The following PRDM5 variants were observed in gnomAD, a reference collection of about 807,000 sequenced individuals.
PRDM5 encodes PR domain zinc finger protein 5.
Under a neutral mutation model 81.2 loss-of-function variants are expected in PRDM5, and 56 were observed. That is an observed-to-expected ratio of 0.69 (90% CI 0.56 to 0.86). PRDM5 has a LOEUF of 0.86. PRDM5 is among the 40% of genes least tolerant of loss of function. The pLI is 0.00. For synonymous variants in PRDM5, 267 were observed against 256.4 expected, an observed-to-expected ratio of 1.04 and a Z score of -0.39; for missense variants, 697 against 770.1, an observed-to-expected ratio of 0.91 and a Z score of 1.12.
intron 14 of PRDM5, among the ~76,000 whole-genome samples, chr4:120,726,375 T>C (rs1205288847): frequency 1.3e-5 from 2 of 152,180 alleles, no homozygotes; most frequent in African/African-American, 4.8e-5. Context: ...TGCTGAATCA[T>C]TCCTTTGCAT....
intron 15 of PRDM5, among the ~76,000 whole-genome samples, chr4:120,701,244 CA>C (rs71597090): frequency 0.17 from 26,249 of 151,606 alleles, 2,588 homozygotes; most frequent in Non-Finnish European, 0.24. Context: ...TAAATTAGTT[CA>C]ACCACTGTGA....
chr4:120,778,420 C>T (rs1020370211), intron 12 of PRDM5, among the ~76,000 whole-genome samples: 51 of 152,092 alleles, frequency 3.4e-4, no homozygotes, highest in African/African-American at 1.1e-3. Context: ...GGGGCAATTA[C>T]CTCATCACCT....
In PRDM5 at chr4:120,709,722, A is replaced by G. The variant is rs533269339; in HGVS notation, c.1728+587T>C. Among the ~76,000 whole-genome samples the G allele has an allele frequency of 2.6e-5, 4 of 152,116 alleles. No individual in the cohort carries two copies. In the South Asian group the frequency reaches 8.3e-4, roughly 32 times the overall value. On this transcript the variant is annotated intron_variant, in intron 15 of 15. Transcript: ENST00000264808. ...AGAACAGTGGTTTTTTTTCCCCTAAATTGATCAATATTCAGATTAATTTTA... is the reference window on the plus strand; with the variant it reads ...AGAACAGTGGTTTTTTTTCCCCTAAGTTGATCAATATTCAGATTAATTTTA...
At chr4:120,861,323 G>C (rs1226930344) in intron 2 of PRDM5, among the ~76,000 whole-genome samples, 1 of 152,034 alleles carries the variant, frequency 6.6e-6, no homozygotes, top group Non-Finnish European at 1.5e-5. Flanking sequence ...TCAGCTTTTG[G>C]AGAATTTTCC....
chr4:120,833,986 T>G (rs1039396259), intron 3 of PRDM5, among the ~76,000 whole-genome samples: 3 of 152,030 alleles, frequency 2.0e-5, no homozygotes, highest in Non-Finnish European at 4.4e-5. Flanking sequence ...ATTAGCAAAG[T>G]GAAAGCACTA....
At chr4:120,725,993 G>C (rs1348913243) in intron 14 of PRDM5, among the ~76,000 whole-genome samples, 1 of 152,102 alleles carries the variant, frequency 6.6e-6, no homozygotes, top group African/African-American at 2.4e-5. Flanking sequence ...AAGACCTCTA[G>C]CTAGCCCTTT....
intron 14 of PRDM5, among the ~76,000 whole-genome samples, chr4:120,752,392 T>C (rs1393081645): frequency 6.6e-6 from 1 of 152,210 alleles, no homozygotes; most frequent in Non-Finnish European, 1.5e-5. Context: ...TACTCATTAC[T>C]CATTGTGGGG....
rs550246996 is a variant in PRDM5, at chr4:120,845,755, G to A, written c.300+7663C>T. Among the ~76,000 whole-genome samples the A allele has an allele frequency of 2.0e-5, 3 of 152,314 alleles. No individual in the cohort carries two copies. The South Asian group carries it at 6.2e-4, about 32-fold the overall frequency. On this transcript the variant is annotated intron_variant, in intron 3 of 15. Coordinates refer to ENST00000264808, the MANE Select transcript of PRDM5 (RefSeq NM_018699.4). Reference sequence around the variant, plus strand: ...AAACACACTTCATAAGGCTATTGCTGTCACAGTGATTCCTCTGGTAGACCT... The same window carrying A: ...AAACACACTTCATAAGGCTATTGCTATCACAGTGATTCCTCTGGTAGACCT...
At chr4:120,776,473 T>C (rs983786677) in intron 13 of PRDM5, among the ~76,000 whole-genome samples, 8 of 152,060 alleles carry the variant, frequency 5.3e-5, no homozygotes, top group Middle Eastern at 3.4e-3. Flanking sequence ...TATAATCCAG[T>C]CACATAGTTA....
At chr4:120,830,795 A>C (rs1756620587) in intron 3 of PRDM5, among the ~76,000 whole-genome samples, 1 of 152,108 alleles carries the variant, frequency 6.6e-6, no homozygotes. Flanking sequence ...CCATACAGGG[A>C]GGAAACAGTT....
chr4:120,770,267 G>T (rs145436376), intron 13 of PRDM5, among the ~76,000 whole-genome samples: 86 of 152,190 alleles, frequency 5.7e-4, no homozygotes, highest in African/African-American at 1.9e-3. Context: ...GACCTCAGGT[G>T]ATCTGCCCAC....
At chr4:120,724,440 G>A (rs1021242060) in intron 14 of PRDM5, among the ~76,000 whole-genome samples, 5 of 152,158 alleles carry the variant, frequency 3.3e-5, no homozygotes, top group Non-Finnish European at 5.9e-5. Flanking sequence ...TATCCTTGTC[G>A]ATTTAGGCAG....
chr4:120,888,014 G>C (rs1763642427), intron 2 of PRDM5, among the ~76,000 whole-genome samples: 1 of 56,816 alleles, frequency 1.8e-5, no homozygotes, highest in Non-Finnish European at 3.1e-5. Flanking sequence ...GGATGGTCTC[G>C]ATCTCCTGAC....
intron 2 of PRDM5, among the ~76,000 whole-genome samples, chr4:120,898,778 A>G (rs1394209676): frequency 6.6e-6 from 1 of 152,062 alleles, no homozygotes; most frequent in Non-Finnish European, 1.5e-5. Flanking sequence ...CTTTCACTAT[A>G]TTATTTATTA....
At chr4:120,736,693 C>T (rs1001556705) in intron 14 of PRDM5, among the ~76,000 whole-genome samples, 6 of 152,136 alleles carry the variant, frequency 3.9e-5, no homozygotes, top group Admixed American at 3.3e-4. Flanking sequence ...ACTATATATT[C>T]GATCATGTAT....
At chr4:120,848,825 T>C (rs1758939541) in intron 3 of PRDM5, among the ~76,000 whole-genome samples, 1 of 152,224 alleles carries the variant, frequency 6.6e-6, no homozygotes, top group Non-Finnish European at 1.5e-5. Flanking sequence ...ATTGCATTTT[T>C]ACTTTAGTTT....
chr4:120,888,927 C>CT (rs1169961768), intron 2 of PRDM5, among the ~76,000 whole-genome samples: 7 of 152,014 alleles, frequency 4.6e-5, no homozygotes, highest in African/African-American at 1.2e-4. Flanking sequence ...GCCCATTTTT[C>CT]TTTTTTTTAA....
chr4:120,898,647 T>C (rs1764916386), intron 2 of PRDM5, among the ~76,000 whole-genome samples: 2 of 152,224 alleles, frequency 1.3e-5, no homozygotes, highest in South Asian at 2.1e-4. Flanking sequence ...TTAAACAAAT[T>C]ATTTTTATAT....
At chr4:120,734,042 G>T (rs2149090884) in intron 14 of PRDM5, among the ~76,000 whole-genome samples, 1 of 152,256 alleles carries the variant, frequency 6.6e-6, no homozygotes, top group East Asian at 1.9e-4. Context: ...AAGTATTGAA[G>T]TGGACCTAGG....
Sources: allele counts gnomAD v4.1 joint callset (sites outside exome capture counted in the v4.1 genomes callset), GRCh38; gene constraint gnomAD v4.1.1; transcripts MANE v1.5; gene names NCBI Gene and HGNC (gene_info 2026-07-23, HGNC 2026-07-21).